The following ATP2C1 variants were observed in gnomAD, a reference collection of about 807,000 sequenced individuals.
The protein encoded by ATP2C1 is ATPase secretory pathway Ca2+ transporting 1.
Under a neutral mutation model 120.5 loss-of-function variants are expected in ATP2C1, and 31 were observed. The ratio of observed to expected loss-of-function variants is 0.26; its 90% CI spans 0.19 to 0.35. ATP2C1 has a LOEUF of 0.35. Ranked by LOEUF, ATP2C1 falls within the 10% of genes least tolerant of loss-of-function variation. ATP2C1 has a pLI of 1.00. For synonymous variants in ATP2C1, 351 were observed against 358.7 expected (o/e 0.98, Z 0.24); for missense variants, 731 against 1,107.5 (o/e 0.66, Z 4.83).
downstream of ATP2C1, among the ~76,000 whole-genome samples, chr3:131,005,414 T>G (rs2063069924): frequency 6.6e-6 from 1 of 152,132 alleles, no homozygotes; most frequent in African/African-American, 2.4e-5. Flanking sequence ...TGTGCCCAGC[T>G]TTGAATTTGT....
rs541010405 is a variant in ATP2C1 at position 130,913,346 on chromosome 3, G to A, written c.7-17070G>A. On this transcript the variant is annotated intron_variant, in intron 2 of 27. Coordinates refer to ENST00000510168, the MANE Select transcript of ATP2C1 (RefSeq NM_001378687.1). Reference sequence around the variant, plus strand: ...CTTGAGTTAATGTCATCTTGGATAAGTATGCTATTCAGTATTTATCTGAGT... The same window carrying A: ...CTTGAGTTAATGTCATCTTGGATAAATATGCTATTCAGTATTTATCTGAGT... Among the ~76,000 whole-genome samples the A allele has an allele frequency of 5.9e-5, 9 of 152,270 alleles. No homozygotes were observed. The South Asian group carries it at 1.9e-3, about 32-fold the overall frequency.
chr3:131,016,077 A>G lies in ATP2C1; in HGVS notation c.2630-75A>G, dbSNP rs768241774. 8.4e-6 allele frequency: 13 copies of G among 1,549,160 alleles called. No individual in the cohort carries two copies. In the South Asian group the frequency reaches 1.2e-4, roughly 14 times the overall value. On this transcript the variant is annotated intron_variant, in intron 26 of 26. Transcript: ENST00000328560. ...TTTAAGTAACTTTGTTGCTTTAAATATAAGTGAAAATACTGTATTTACTTT... is the reference window on the plus strand; with the variant it reads ...TTTAAGTAACTTTGTTGCTTTAAATGTAAGTGAAAATACTGTATTTACTTT...
chr3:130,874,906 G>A (rs1209169980), intron 1 of ATP2C1, among the ~76,000 whole-genome samples: 3 of 152,198 alleles, frequency 2.0e-5, no homozygotes, highest in African/African-American at 7.2e-5. Flanking sequence ...CCCAGGTGAT[G>A]CTGATGCTGC....
At chr3:130,944,345 G>A (rs181548049) in intron 8 of ATP2C1, among the ~76,000 whole-genome samples, 1 of 152,136 alleles carries the variant, frequency 6.6e-6, no homozygotes, top group East Asian at 1.9e-4. Flanking sequence ...CTTAGCTTGG[G>A]TTGCTTTAAC....
chr3:130,995,934 A>C (rs541668865), intron 22 of ATP2C1, 109 bp from the exon 23 acceptor site: 1 of 794,512 alleles, frequency 1.3e-6, no homozygotes, highest in East Asian at 2.5e-5. Context: ...CATGAGCCAC[A>C]GTGCCCGGTT....
intron 20 of ATP2C1, among the ~76,000 whole-genome samples, chr3:130,982,129 A>T (rs1460195111): frequency 6.6e-6 from 1 of 152,070 alleles, no homozygotes; most frequent in Non-Finnish European, 1.5e-5. Flanking sequence ...GTGTTTTCTT[A>T]TAGAAGTTTT....
chr3:130,978,296 T>C (rs559256851), intron 18 of ATP2C1, among the ~76,000 whole-genome samples: 1 of 152,120 alleles, frequency 6.6e-6, no homozygotes, highest in Non-Finnish European at 1.5e-5. Context: ...TGAGCATATG[T>C]AATCTTTCAT....
chr3:130,998,659 A>T (rs1429534884), intron 26 of ATP2C1, among the ~76,000 whole-genome samples: 1 of 152,198 alleles, frequency 6.6e-6, no homozygotes, highest in Non-Finnish European at 1.5e-5. Context: ...TATAGCTATA[A>T]GATAGATCGT....
chr3:131,008,668 T>A (rs996228400), intron 26 of ATP2C1, among the ~76,000 whole-genome samples: 1 of 152,098 alleles, frequency 6.6e-6, no homozygotes, highest in African/African-American at 2.4e-5. Flanking sequence ...TTGTAGAAAG[T>A]TTGCCTACTC....
At chr3:130,855,624 C>T in intron 1 of ATP2C1, among the ~76,000 whole-genome samples, 1 of 152,122 alleles carries the variant, frequency 6.6e-6, no homozygotes, top group East Asian at 1.9e-4. Context: ...GTTCGCTTGA[C>T]TCTCATTCTG....
chr3:130,998,466 T>C (rs1290699506), intron 26 of ATP2C1, 77 bp downstream of exon 26: 2 of 1,098,378 alleles, frequency 1.8e-6, no homozygotes, highest in Admixed American at 1.7e-5. Flanking sequence ...TAGGCAAAGA[T>C]TATGGGTTTT....
At chr3:130,969,176 C>G (rs2108675899) in intron 16 of ATP2C1, 116 bp from the exon 17 acceptor site, 6 of 725,058 alleles carry the variant, frequency 8.3e-6, no homozygotes, top group South Asian at 7.4e-5. Context: ...TACTATTTCA[C>G]TATTAACTGA....
intron 13 of ATP2C1, 120 bp downstream of exon 13, chr3:130,964,215 C>T: frequency 1.4e-6 from 2 of 1,423,960 alleles, no homozygotes; most frequent in African/African-American, 2.8e-5. Flanking sequence ...TGGCTTATGG[C>T]AAAATTGGAT....
chr3:131,014,452 T>C (rs2063492655), intron 26 of ATP2C1: 4 of 1,439,850 alleles, frequency 2.8e-6, no homozygotes, highest in African/African-American at 1.4e-5. Flanking sequence ...ATAACTACCA[T>C]TGACATAGCT....
chr3:130,858,279 C>T (rs1241473369), intron 1 of ATP2C1, among the ~76,000 whole-genome samples: 4 of 152,154 alleles, frequency 2.6e-5, no homozygotes, highest in African/African-American at 7.2e-5. Context: ...ATCAAGTTGA[C>T]ACTCAATATT....
At chr3:130,864,500 A>C (rs982692911) in intron 1 of ATP2C1, among the ~76,000 whole-genome samples, 1 of 152,254 alleles carries the variant, frequency 6.6e-6, no homozygotes, top group Non-Finnish European at 1.5e-5. Flanking sequence ...AAGGAGCCTA[A>C]TGATAATCCC....
chr3:130,936,992 T>C (rs2108407802), intron 5 of ATP2C1, among the ~76,000 whole-genome samples: 3 of 150,188 alleles, frequency 2.0e-5, no homozygotes, highest in Middle Eastern at 6.8e-3. Flanking sequence ...AATATAAAAA[T>C]TTAAAACACT....
intron 1 of ATP2C1, among the ~76,000 whole-genome samples, chr3:130,862,265 G>A (rs555928466): frequency 3.3e-5 from 5 of 151,444 alleles, no homozygotes; most frequent in Admixed American, 1.3e-4. Flanking sequence ...TTATAGGCAT[G>A]AGCCACTGTG....
At chr3:130,865,220 A>G (rs1245222135) in intron 1 of ATP2C1, among the ~76,000 whole-genome samples, 1 of 152,092 alleles carries the variant, frequency 6.6e-6, no homozygotes, top group Non-Finnish European at 1.5e-5. Context: ...GAATTTTTGG[A>G]CTTGTATGGG....
Sources: allele counts gnomAD v4.1 joint callset (sites outside exome capture counted in the v4.1 genomes callset), GRCh38; gene constraint gnomAD v4.1.1; transcripts MANE v1.5; gene names NCBI Gene and HGNC (gene_info 2026-07-23, HGNC 2026-07-21).